BMPR1B: variants seen among roughly 807,000 people sequenced by gnomAD.
BMPR1B encodes the protein bone morphogenetic protein receptor type 1B.
Under a neutral mutation model 59.1 loss-of-function variants are expected in BMPR1B, and 12 were observed. The observed-to-expected ratio is 0.20, with a 90% CI of 0.13 to 0.33. The LOEUF is 0.33. Among genes scored for constraint, BMPR1B ranks in the 10% least tolerant of loss-of-function variants. The probability of loss-of-function intolerance (pLI) is 1.00; values close to 1 mark genes in which losing one functional copy is unlikely to be tolerated. For synonymous variants in BMPR1B, 237 were observed against 207.3 expected, an observed-to-expected ratio of 1.14 and a Z score of -1.23; for missense variants, 550 against 610.9, an observed-to-expected ratio of 0.90 and a Z score of 1.05.
At chr4:94,816,277 C>A (rs376948967) in intron 1 of BMPR1B, among the ~76,000 whole-genome samples, 45 of 152,162 alleles carry the variant, frequency 3.0e-4, no homozygotes, top group African/African-American at 1.1e-3. Context: ...CTCCCGAGTA[C>A]CTGGGACTGC....
intron 2 of BMPR1B, among the ~76,000 whole-genome samples, chr4:94,978,936 C>T (rs1426908546): frequency 7.2e-6 from 1 of 138,502 alleles, no homozygotes; most frequent in African/African-American, 2.8e-5. Flanking sequence ...AGCAAGACAC[C>T]ATCACACATA....
intron 1 of BMPR1B, among the ~76,000 whole-genome samples, chr4:94,864,173 A>G (rs1726110631): frequency 6.6e-6 from 1 of 152,202 alleles, no homozygotes; most frequent in Non-Finnish European, 1.5e-5. Flanking sequence ...ACGGTAAAGA[A>G]ACAGTGGTCT....
At chr4:95,021,863 A>G (rs905307956) in intron 3 of BMPR1B, among the ~76,000 whole-genome samples, 5 of 152,236 alleles carry the variant, frequency 3.3e-5, no homozygotes, top group Admixed American at 1.3e-4. Context: ...ATTCTCATGT[A>G]TTGGCAAAGC....
intron 3 of BMPR1B, among the ~76,000 whole-genome samples, chr4:95,074,909 G>C (rs1424547707): frequency 6.6e-6 from 1 of 152,024 alleles, no homozygotes; most frequent in Non-Finnish European, 1.5e-5. Flanking sequence ...ATGAAATAGA[G>C]GTATGTTTTG....
chr4:94,866,085 T>G (rs1726226589), intron 1 of BMPR1B, among the ~76,000 whole-genome samples: 1 of 152,224 alleles, frequency 6.6e-6, no homozygotes, highest in African/African-American at 2.4e-5. Flanking sequence ...CACTATAAAT[T>G]CATAGTCCCT....
rs115792679 is a variant in BMPR1B, at chr4:95,070,683, G to A, written c.-17-33725G>A. Among the ~76,000 whole-genome samples, 453 of 152,162 alleles carry A rather than the reference G, an allele frequency of 3.0e-3. 5 individuals carry two copies. The highest frequency in any genetic ancestry group is 0.01 in the African/African-American group (431 of 41,520). Reference sequence around the variant, plus strand: ...GGCCTTACAAAAAAACAAACAAGGAGGACCCATATGTAACTCACTGTGTTC... The same window carrying A: ...GGCCTTACAAAAAAACAAACAAGGAAGACCCATATGTAACTCACTGTGTTC... On this transcript the variant is annotated intron_variant, in intron 3 of 12. Transcript: ENST00000515059.
At chr4:94,919,041 C>T (rs1268636553) in intron 2 of BMPR1B, among the ~76,000 whole-genome samples, 1 of 152,082 alleles carries the variant, frequency 6.6e-6, no homozygotes, top group Admixed American at 6.6e-5. Context: ...CCCACAATCC[C>T]AGCTGTTTGC....
At chr4:94,849,734 C>T (rs751844979) in intron 1 of BMPR1B, among the ~76,000 whole-genome samples, 4 of 150,838 alleles carry the variant, frequency 2.7e-5, no homozygotes, top group Non-Finnish European at 5.9e-5. Flanking sequence ...TGCATCTGGC[C>T]ACAGATGCAG....
intron 1 of BMPR1B, among the ~76,000 whole-genome samples, chr4:94,834,994 T>C (rs1171786168): frequency 6.6e-6 from 1 of 151,708 alleles, no homozygotes; most frequent in Non-Finnish European, 1.5e-5. Context: ...GGGAGTAGTC[T>C]TTTCACTTTG....
At chr4:94,814,576 A>G (rs529568812) in intron 1 of BMPR1B, among the ~76,000 whole-genome samples, 9 of 152,316 alleles carry the variant, frequency 5.9e-5, no homozygotes, top group African/African-American at 2.2e-4. Flanking sequence ...AGTTAACTAG[A>G]GATAATATAA....
At chr4:95,114,962 C>T (rs752342686) in intron 5 of BMPR1B, 140 bp downstream of exon 5, 4 of 792,702 alleles carry the variant, frequency 5.0e-6, no homozygotes, top group Non-Finnish European at 6.7e-6. Context: ...AGGTCAGCAA[C>T]AGATGGTATG....
chr4:94,829,051 G>A lies in BMPR1B; in HGVS notation c.-182-46780G>A, dbSNP rs578255892. On this transcript the variant is annotated intron_variant, in intron 1 of 12. Transcript: ENST00000515059. ...AAAATAGGTGTGGTATAATGAAAAA[G>A]GTGTTGAAAGTTTATGATTCATGAT... Among the ~76,000 whole-genome samples the A allele has an allele frequency of 3.3e-5, 5 of 151,000 alleles. No individual in the cohort carries two copies. In the South Asian group the frequency reaches 1.0e-3, roughly 32 times the overall value.
intron 3 of BMPR1B, among the ~76,000 whole-genome samples, chr4:95,051,237 C>A (rs2149188363): frequency 6.6e-6 from 1 of 152,214 alleles, no homozygotes; most frequent in Non-Finnish European, 1.5e-5. Context: ...TTCTTGTTTT[C>A]TTTTTACATT....
chr4:95,129,524 G>T (rs531754311), intron 8 of BMPR1B, among the ~76,000 whole-genome samples: 48 of 152,198 alleles, frequency 3.2e-4, no homozygotes, highest in African/African-American at 1.1e-3. Flanking sequence ...TTCAGAGTAT[G>T]TAGTAGTCCA....
intron 1 of BMPR1B, among the ~76,000 whole-genome samples, chr4:94,803,005 C>T (rs1220856589): frequency 6.6e-5 from 10 of 152,074 alleles, no homozygotes; most frequent in Admixed American, 2.0e-4. Flanking sequence ...TCTGGGGCAT[C>T]GTTTCTTGTT....
chr4:94,893,480 A>G (rs908420089), intron 2 of BMPR1B, among the ~76,000 whole-genome samples: 1 of 152,068 alleles, frequency 6.6e-6, no homozygotes, highest in Admixed American at 6.6e-5. Flanking sequence ...TTCTTAGAGA[A>G]AATATGACTT....
At chr4:94,800,019 T>C (rs182680188) in intron 1 of BMPR1B, among the ~76,000 whole-genome samples, 1 of 152,304 alleles carries the variant, frequency 6.6e-6, no homozygotes, top group Admixed American at 6.5e-5. Context: ...AAAATTATGA[T>C]TCAATCAGAA....
chr4:94,982,673 T>A (rs961461307), intron 2 of BMPR1B, among the ~76,000 whole-genome samples: 3 of 152,092 alleles, frequency 2.0e-5, no homozygotes, highest in African/African-American at 7.2e-5. Context: ...TTATTTGACA[T>A]CATCATGTGT....
chr4:94,774,755 T>C (rs1470663561), intron 1 of BMPR1B, among the ~76,000 whole-genome samples: 2 of 152,124 alleles, frequency 1.3e-5, no homozygotes, highest in Non-Finnish European at 2.9e-5. Flanking sequence ...GTTAGTGTGC[T>C]TCCATCCTCA....
Sources: allele counts gnomAD v4.1 joint callset (sites outside exome capture counted in the v4.1 genomes callset), GRCh38; gene constraint gnomAD v4.1.1; transcripts MANE v1.5; gene names NCBI Gene and HGNC (gene_info 2026-07-23, HGNC 2026-07-21).